The following TMC1 variants were observed in gnomAD, a reference collection of about 807,000 sequenced individuals.
The protein encoded by TMC1 is transmembrane channel-like protein 1.
A neutral mutation model predicts 105.8 loss-of-function variants in TMC1; 84 were observed. That is an observed-to-expected ratio of 0.79 (90% CI 0.67 to 0.95). The LOEUF (loss-of-function observed/expected upper bound fraction) is 0.95, where lower values mean the gene tolerates loss of function less well. Among genes scored for constraint, TMC1 ranks in the 40% least tolerant of loss-of-function variants. The probability of loss-of-function intolerance (pLI) is 0.00; values close to 1 mark genes in which losing one functional copy is unlikely to be tolerated. For synonymous variants in TMC1, 315 were observed against 311.5 expected (o/e 1.01, Z -0.12); for missense variants, 817 against 914.1 (o/e 0.89, Z 1.37).
chr9:72,700,102 A>G, intron 7 of TMC1, among the ~76,000 whole-genome samples: 1 of 151,738 alleles, frequency 6.6e-6, no homozygotes, highest in East Asian at 1.9e-4. Flanking sequence ...TAAAAATATA[A>G]AAATTAGCTG....
chr9:72,565,692 A>C (rs1824139171), intron 1 of TMC1, among the ~76,000 whole-genome samples: 1 of 152,174 alleles, frequency 6.6e-6, no homozygotes, highest in Non-Finnish European at 1.5e-5. Context: ...ACCGTTCCAC[A>C]TGGCTGTGGA....
At chr9:72,595,508 A>T (rs781364203) in intron 2 of TMC1, among the ~76,000 whole-genome samples, 1 of 152,176 alleles carries the variant, frequency 6.6e-6, no homozygotes, top group Non-Finnish European at 1.5e-5. Context: ...AGTGGCCTGC[A>T]GATGAGGGTT....
intron 1 of TMC1, among the ~76,000 whole-genome samples, chr9:72,559,005 T>C (rs1043480388): frequency 1.3e-5 from 2 of 152,184 alleles, no homozygotes; most frequent in Non-Finnish European, 2.9e-5. Flanking sequence ...GTTTGAAAGA[T>C]TGAAGGACAA....
chr9:72,682,612 G>A (rs1375521078), intron 5 of TMC1, among the ~76,000 whole-genome samples: 1 of 152,138 alleles, frequency 6.6e-6, no homozygotes, highest in Non-Finnish European at 1.5e-5. Flanking sequence ...ATAATCTTGG[G>A]TATATTTTAT....
At chr9:72,663,611 C>T (rs1307471466) in intron 5 of TMC1, among the ~76,000 whole-genome samples, 1 of 152,160 alleles carries the variant, frequency 6.6e-6, no homozygotes, top group African/African-American at 2.4e-5. Context: ...ATCTCTTTCA[C>T]TGTCATAATT....
At chr9:72,579,896 TATAA>T (rs773050218) in intron 2 of TMC1, among the ~76,000 whole-genome samples, 3 of 151,970 alleles carry the variant, frequency 2.0e-5, no homozygotes, top group Non-Finnish European at 2.9e-5. Flanking sequence ...TAACCTGGTC[TATAA>T]ATAAATAAAT....
At chr9:72,552,928 C>G (rs748003160) in intron 1 of TMC1, among the ~76,000 whole-genome samples, 1 of 152,034 alleles carries the variant, frequency 6.6e-6, no homozygotes, top group African/African-American at 2.4e-5. Context: ...TATATACACA[C>G]GATTCTCAGA....
intron 8 of TMC1, among the ~76,000 whole-genome samples, chr9:72,725,608 A>G (rs1314714235): frequency 2.0e-5 from 3 of 151,586 alleles, no homozygotes; most frequent in African/African-American, 7.3e-5. Context: ...TGCTTGGTTT[A>G]TAGTCACTGG....
rs79810739 is a variant in TMC1 at position 72,833,582 on chromosome 9, G to T, written c.2261-2369G>T. Among the ~76,000 whole-genome samples the T allele has an allele frequency of 4.5e-3, 683 of 152,146 alleles. 8 individuals carry two copies. The highest frequency in any genetic ancestry group is 8.1e-3 in the Non-Finnish European group (553 of 67,998). ...TCCCCAACTTCCTCTCTTTTGGTCT[G>T]CTCACATTTTGCCAGTAAGAAAGGG... On this transcript the variant is annotated intron_variant, in intron 23 of 23. Coordinates refer to ENST00000297784, the MANE Select transcript of TMC1 (RefSeq NM_138691.3).
intron 10 of TMC1, among the ~76,000 whole-genome samples, chr9:72,744,735 T>C (rs1346894164): frequency 6.6e-6 from 1 of 152,222 alleles, no homozygotes; most frequent in Non-Finnish European, 1.5e-5. Context: ...TATATACATT[T>C]GAAAATTATT....
intron 19 of TMC1, among the ~76,000 whole-genome samples, chr9:72,820,344 A>G (rs1828847157): frequency 6.6e-6 from 1 of 152,144 alleles, no homozygotes; most frequent in Non-Finnish European, 1.5e-5. Context: ...TGCAACCTTG[A>G]CCTCCTGTCA....
Position 72,802,799 on chromosome 9 carries a change from A to G in TMC1, c.1567-2583A>G, listed in dbSNP as rs148585796. ...AAAAATCAATATTGTGAAAACGGCC[A>G]TACTGCCCAAAATAATTTATAGATT... is the stretch of plus-strand genomic sequence containing the variant. On this transcript the variant is annotated intron_variant, in intron 17 of 23. Transcript: ENST00000297784. Among the ~76,000 whole-genome samples, 748 of 152,324 alleles carry G rather than the reference A, an allele frequency of 4.9e-3. 3 individuals are homozygous for G. Among genetic ancestry groups the G allele is most frequent in the African/African-American group, 0.017 (721 of 41,568 alleles).
At chr9:72,599,784 T>C (rs1824776904) in intron 2 of TMC1, among the ~76,000 whole-genome samples, 1 of 148,064 alleles carries the variant, frequency 6.8e-6, no homozygotes, top group Non-Finnish European at 1.5e-5. Flanking sequence ...CACTCCAGCC[T>C]GGGCGACAAG....
At chr9:72,766,142 G>A (rs1238346079) in intron 12 of TMC1, among the ~76,000 whole-genome samples, 1 of 152,146 alleles carries the variant, frequency 6.6e-6, no homozygotes, top group Non-Finnish European at 1.5e-5. Flanking sequence ...TCTCGGCTGG[G>A]CGTGGTGGCT....
Position 72,727,458 on chromosome 9 carries a change from G to T in TMC1, c.363-12661G>T, listed in dbSNP as rs904114472. On this transcript the variant is annotated intron_variant, in intron 8 of 23. Transcript: ENST00000297784. ...TAAAAGGGACAATGAAAGAATAATA[G>T]AAATAAAATGAATTTGTTTATCAGC... Among the ~76,000 whole-genome samples the T allele has an allele frequency of 5.9e-5, 9 of 152,180 alleles. No individual in the cohort carries two copies. The South Asian group carries it at 1.4e-3, about 25-fold the overall frequency.
intron 5 of TMC1, among the ~76,000 whole-genome samples, chr9:72,675,768 A>G (rs1187372815): frequency 6.6e-6 from 1 of 152,174 alleles, no homozygotes; most frequent in Non-Finnish European, 1.5e-5. Context: ...AGCTCTTACT[A>G]AGTGACCCCA....
At chr9:72,809,134 AT>A (rs1039178816) in intron 18 of TMC1, 48 of 152,248 alleles carry the variant, frequency 3.2e-4, no homozygotes, top group African/African-American at 9.9e-4. Context: ...AAAAATTGCC[AT>A]TTCTTCCTTA....
intron 6 of TMC1, 66 bp from the exon 7 acceptor site, chr9:72,694,477 G>C: frequency 6.9e-7 from 1 of 1,443,746 alleles, no homozygotes; most frequent in East Asian, 2.4e-5. Context: ...TAAAAACTAA[G>C]AATAAGCTTG....
intron 1 of TMC1, among the ~76,000 whole-genome samples, chr9:72,548,059 C>A (rs1823801815): frequency 6.6e-6 from 1 of 152,108 alleles, no homozygotes; most frequent in South Asian, 2.1e-4. Flanking sequence ...CCTTCGCAAC[C>A]AAAAGGCTTC....
Sources: gnomAD v4.1 joint callset for allele counts (sites outside exome capture counted in the v4.1 genomes callset) on GRCh38, gnomAD v4.1.1 for gene constraint, MANE v1.5 for transcripts, NCBI Gene and HGNC (gene_info 2026-07-23, HGNC 2026-07-21) for gene names.